Variants in THSD7B observed in about 807,000 individuals in gnomAD.
The protein encoded by THSD7B is thrombospondin type-1 domain-containing protein 7B.
In THSD7B, 138 loss-of-function variants were observed where a neutral mutation model predicts 213.6. The observed-to-expected ratio is 0.65, with a 90% CI of 0.56 to 0.74. The LOEUF is 0.74. Among genes scored for constraint, THSD7B ranks in the 30% least tolerant of loss-of-function variants. The pLI is 0.00. For missense variants in THSD7B, 1,931 were observed against 1,991.5 expected, an observed-to-expected ratio of 0.97 and a Z score of 0.58; for synonymous variants, 742 against 687.0, an observed-to-expected ratio of 1.08 and a Z score of -1.25.
chr2:137,644,483 A>G (rs1445509707), intron 21 of THSD7B, among the ~76,000 whole-genome samples: 1 of 152,164 alleles, frequency 6.6e-6, no homozygotes, highest in South Asian at 2.1e-4. Context: ...AAAATGACAT[A>G]AAGTAAAGCA....
chr2:137,126,902 A>AAG (rs745628701), intron 5 of THSD7B, among the ~76,000 whole-genome samples: 8 of 152,054 alleles, frequency 5.3e-5, no homozygotes, highest in Non-Finnish European at 7.4e-5. Flanking sequence ...GGCCTGAGGA[A>AAG]AGAGAGAGAG....
At chr2:137,524,095 A>G (rs2105170589) in intron 15 of THSD7B, among the ~76,000 whole-genome samples, 1 of 152,230 alleles carries the variant, frequency 6.6e-6, no homozygotes. Context: ...AACAATGACA[A>G]CAACAGAAAG....
chr2:137,546,455 TTATATATA>T lies in THSD7B; in HGVS notation c.3139-16765_3139-16758del, dbSNP rs1680734356. Reference sequence around the variant, plus strand: ...ATATATTATATATATTATATATATATTATATATAATATATATATATATAATATATATAT... The same window carrying T: ...ATATATTATATATATTATATATATATATATATATATATATAATATATATAT... On this transcript the variant is annotated intron_variant, in intron 15 of 27. Coordinates refer to ENST00000409968, the MANE Select transcript of THSD7B (RefSeq NM_001316349.2). 1.0e-4 allele frequency among the ~76,000 whole-genome samples: 2 copies of T among 19,700 alleles called. 1 individual carries two copies. The highest frequency in any genetic ancestry group is 2.0e-3 in the East Asian group (2 of 990). The allele number at this position is 19,700 out of a possible 152,430, so 12.9% of individuals were successfully genotyped here.
chr2:137,172,242 T>G (rs911842725), intron 7 of THSD7B, among the ~76,000 whole-genome samples: 5 of 152,148 alleles, frequency 3.3e-5, no homozygotes, highest in Admixed American at 3.3e-4. Context: ...ACACAGCTCT[T>G]AAATCCCTTG....
Position 137,056,552 on chromosome 2 carries a change from G to A in THSD7B, c.272G>A (p.Arg91Lys), listed in dbSNP as rs756376621. ...CGESNRPPKE[R>K]SCFRVCDWHS... ...GAGAGCAACAGGCCTCCAAAGGAAA[G>A]AAGTTGTTTCCGAGTTTGTGACTGG... Residue 91 changes from arginine to lysine, a missense_variant, in exon 3 of 28, where the codon AGA (arginine) becomes AAA (lysine). Transcript: ENST00000409968. 1 of 1,613,936 alleles carries A rather than the reference G, an allele frequency of 6.2e-7. No individual in the cohort carries two copies. The highest frequency in any genetic ancestry group is 8.5e-7 in the Non-Finnish European group (1 of 1,179,862).
intron 12 of THSD7B, among the ~76,000 whole-genome samples, chr2:137,339,151 T>C (rs1000740192): frequency 1.3e-5 from 2 of 152,072 alleles, no homozygotes; most frequent in Admixed American, 6.6e-5. Context: ...TGATCCCTGA[T>C]AATGTTCTTC....
chr2:137,312,395 CTT>C (rs1372715134), intron 12 of THSD7B, among the ~76,000 whole-genome samples: 7 of 148,562 alleles, frequency 4.7e-5, no homozygotes. Flanking sequence ...ATTCTTCTCT[CTT>C]TTTTTCTTTA....
At chr2:137,140,604 T>G (rs1461878235) in intron 5 of THSD7B, among the ~76,000 whole-genome samples, 2 of 151,838 alleles carry the variant, frequency 1.3e-5, no homozygotes, top group African/African-American at 4.8e-5. Flanking sequence ...TCTTAATTTT[T>G]TGCCAACTGG....
Position 137,057,177 on chromosome 2 carries a change from T to C in THSD7B, c.897T>C (p.Tyr299=), listed in dbSNP as rs2104877591. Reference sequence around the variant, plus strand: ...AGTCTTGGGCAATAGAGATAGGTTATCAAACCCGGCAGGTTTCGTGTACAA... The same window carrying C: ...AGTCTTGGGCAATAGAGATAGGTTACCAAACCCGGCAGGTTTCGTGTACAA... ...HSKSWAIEIG[Y]QTRQVSCTRS... The change falls in exon 3 of 28, where the codon TAT becomes TAC. Residue 299 remains tyrosine (Y), a synonymous_variant. Coordinates refer to ENST00000409968, the MANE Select transcript of THSD7B (RefSeq NM_001316349.2). 1 of 1,613,940 alleles carries C rather than the reference T, an allele frequency of 6.2e-7. No individual in the cohort carries two copies. Among genetic ancestry groups the C allele is most frequent in the East Asian group, 2.2e-5 (1 of 44,882 alleles).
chr2:137,611,568 A>T (rs920620875), intron 17 of THSD7B, among the ~76,000 whole-genome samples: 1 of 152,176 alleles, frequency 6.6e-6, no homozygotes, highest in African/African-American at 2.4e-5. Flanking sequence ...GGTGACTGAC[A>T]TATAGTAAAC....
intron 7 of THSD7B, among the ~76,000 whole-genome samples, chr2:137,194,373 T>G (rs1013448748): frequency 3.9e-5 from 6 of 152,172 alleles, no homozygotes; most frequent in African/African-American, 1.4e-4. Flanking sequence ...ATTGAGAGTT[T>G]CCTCCAGTTT....
At chr2:136,924,097 T>C (rs1431409970) in intron 2 of THSD7B, among the ~76,000 whole-genome samples, 2 of 152,182 alleles carry the variant, frequency 1.3e-5, no homozygotes, top group African/African-American at 4.8e-5. Context: ...CTCTTCTGTT[T>C]AGGTTTTATT....
At chr2:136,929,386 A>AAATC (rs1181793668) in intron 2 of THSD7B, among the ~76,000 whole-genome samples, 1 of 152,206 alleles carries the variant, frequency 6.6e-6, no homozygotes, top group African/African-American at 2.4e-5. Context: ...CTTTCTACAT[A>AAATC]AATCAATCAA....
intron 1 of THSD7B, among the ~76,000 whole-genome samples, chr2:136,788,573 A>C (rs1487065132): frequency 6.6e-6 from 1 of 152,182 alleles, no homozygotes; most frequent in African/African-American, 2.4e-5. Flanking sequence ...TGGAGAATAC[A>C]TGCTTAGAAT....
intron 2 of THSD7B, among the ~76,000 whole-genome samples, chr2:136,940,712 TATATATATATATATA>T (rs1487810508): frequency 0.021 from 718 of 34,610 alleles, 6 homozygotes; most frequent in Middle Eastern, 0.078. Flanking sequence ...TGTGTGTGTG[TATATATATATATATA>T]ATATATATAT....
At chr2:137,580,241 T>C (rs916941937) in intron 17 of THSD7B, among the ~76,000 whole-genome samples, 1 of 152,102 alleles carries the variant, frequency 6.6e-6, no homozygotes, top group Non-Finnish European at 1.5e-5. Flanking sequence ...TATTTCTATT[T>C]TTGCTGTACC....
intron 12 of THSD7B, among the ~76,000 whole-genome samples, chr2:137,389,193 C>CACATATATAT (rs370104441): frequency 2.4e-5 from 3 of 127,300 alleles, no homozygotes; most frequent in African/African-American, 9.3e-5. Flanking sequence ...ATATATCTGT[C>CACATATATAT]ATATATATAT....
Position 136,895,540 on chromosome 2 carries a change from T to TTA in THSD7B, c.139+13223_139+13224insTA, listed in dbSNP as rs1553456267. On this transcript the variant is annotated intron_variant, in intron 2 of 27. Coordinates refer to ENST00000409968, the MANE Select transcript of THSD7B (RefSeq NM_001316349.2). ...TTTTTTTTTTTTTTTTTTTTTTTTT[T>TTA]ACAGAATTCCATGCTATTACAATAC... Among the ~76,000 whole-genome samples, 1,288 of 144,376 alleles carry TTA rather than the reference T, an allele frequency of 8.9e-3. 52 individuals carry two copies. The highest frequency in any genetic ancestry group is 0.043 in the South Asian group (184 of 4,328). The allele number at this position is 144,376 out of a possible 152,430, so 94.7% of individuals were successfully genotyped here. A position where few individuals can be genotyped will look rare whatever the true frequency, so the allele number is the denominator to read the frequency against.
intron 20 of THSD7B, among the ~76,000 whole-genome samples, chr2:137,638,393 A>G (rs1005891450): frequency 6.6e-6 from 1 of 152,078 alleles, no homozygotes; most frequent in Non-Finnish European, 1.5e-5. Flanking sequence ...TGTTACCTCC[A>G]TGTAAGAAGT....
Sources: gnomAD v4.1 joint callset for allele counts (sites outside exome capture counted in the v4.1 genomes callset) on GRCh38, gnomAD v4.1.1 for gene constraint, MANE v1.5 for transcripts, NCBI Gene and HGNC (gene_info 2026-07-23, HGNC 2026-07-21) for gene names.